The following ERBB4 variants were observed in gnomAD, a reference collection of about 807,000 sequenced individuals.
ERBB4 encodes the protein receptor tyrosine-protein kinase erbB-4.
Under a neutral mutation model 158.0 loss-of-function variants are expected in ERBB4, and 42 were observed. The ratio of observed to expected loss-of-function variants is 0.27; its 90% CI spans 0.21 to 0.34. The LOEUF (loss-of-function observed/expected upper bound fraction) is 0.34, where lower values mean the gene tolerates loss of function less well. Among genes scored for constraint, ERBB4 ranks in the 10% least tolerant of loss-of-function variants. The pLI is 1.00. For missense variants in ERBB4, 1,333 were observed against 1,624.1 expected (o/e 0.82, Z 3.08); for synonymous variants, 583 against 558.7 (o/e 1.04, Z -0.61).
At chr2:211,412,950 CAA>C (rs113603752) in intron 25 of ERBB4, among the ~76,000 whole-genome samples, 8 of 121,078 alleles carry the variant, frequency 6.6e-5, no homozygotes, top group Admixed American at 8.5e-5. Flanking sequence ...GGGACTGTCT[CAA>C]AAAAAAAAAA....
chr2:211,772,905 A>T (rs2075744461), intron 4 of ERBB4, among the ~76,000 whole-genome samples: 1 of 51,384 alleles, frequency 1.9e-5, no homozygotes, highest in African/African-American at 6.8e-5. Context: ...ACACATATAT[A>T]TATACACACA....
chr2:212,177,971 T>C (rs2081729811), intron 1 of ERBB4, among the ~76,000 whole-genome samples: 1 of 151,628 alleles, frequency 6.6e-6, no homozygotes, highest in Admixed American at 6.6e-5. Flanking sequence ...TGTGTGTGTG[T>C]GTGTGTGTGT....
Position 211,424,145 on chromosome 2 carries a change from G to A in ERBB4, c.2866+10C>T, listed in dbSNP as rs1224891346. On this transcript the variant is annotated intron_variant, in intron 23 of 27. Coordinates refer to ENST00000342788, the MANE Select transcript of ERBB4 (RefSeq NM_005235.3). ...ATGATGATGGTGATAACATTATTTTGCAGTCTTACATTTGACCATGACCAT... is the reference window on the plus strand; with the variant it reads ...ATGATGATGGTGATAACATTATTTTACAGTCTTACATTTGACCATGACCAT... The A allele has an allele frequency of 6.2e-7, 1 of 1,610,254 alleles. No individual in the cohort carries two copies. The highest frequency in any genetic ancestry group is 1.1e-5 in the South Asian group (1 of 91,024).
At chr2:212,150,266 G>A (rs1162752177) in intron 1 of ERBB4, among the ~76,000 whole-genome samples, 1 of 151,986 alleles carries the variant, frequency 6.6e-6, no homozygotes, top group Non-Finnish European at 1.5e-5. Flanking sequence ...GCATTCCTTG[G>A]CTTTTGGCAA....
intron 2 of ERBB4, among the ~76,000 whole-genome samples, chr2:212,017,975 AAAG>A (rs2076565545): frequency 1.3e-5 from 2 of 152,178 alleles, no homozygotes; most frequent in Admixed American, 1.3e-4. Context: ...ATGATTCATC[AAAG>A]AGGACAACCA....
At position 212,159,711 on chromosome 2, in the gene ERBB4, G is replaced by A. The variant is rs112098332; in HGVS notation, c.83-34808C>T. Among the ~76,000 whole-genome samples the A allele has an allele frequency of 6.6e-3, 1,002 of 151,858 alleles. 7 individuals are homozygous for A. The highest frequency in any genetic ancestry group is 0.024 in the Middle Eastern group (7 of 294). On this transcript the variant is annotated intron_variant, in intron 1 of 27. Coordinates refer to ENST00000342788, the MANE Select transcript of ERBB4 (RefSeq NM_005235.3). ...GACCACACTGCTTGAAGAAAGCAAG[G>A]CAACCAGTTTAAATTAGTAGATGAA...
At chr2:211,918,325 C>CT (rs1222358751) in intron 3 of ERBB4, among the ~76,000 whole-genome samples, 6 of 151,956 alleles carry the variant, frequency 3.9e-5, no homozygotes, top group East Asian at 1.9e-4. Context: ...ATATTTAAAA[C>CT]TTTTTTTTAT....
chr2:212,013,406 G>A lies in ERBB4; in HGVS notation c.235-65790C>T, dbSNP rs116813213. ...GATAAGGTAGAAGAATTTATCATAAGACACTGTTTTAAGGCCTGGGTAAAT... is the reference window on the plus strand; with the variant it reads ...GATAAGGTAGAAGAATTTATCATAAAACACTGTTTTAAGGCCTGGGTAAAT... On this transcript the variant is annotated intron_variant, in intron 2 of 27. Coordinates refer to ENST00000342788, the MANE Select transcript of ERBB4 (RefSeq NM_005235.3). Among the ~76,000 whole-genome samples the A allele has an allele frequency of 8.8e-3, 1,344 of 152,266 alleles. 16 individuals are homozygous for A. Among genetic ancestry groups the A allele is most frequent in the African/African-American group, 0.031 (1,283 of 41,550 alleles).
chr2:211,511,942 G>C (rs1244890052), intron 20 of ERBB4, among the ~76,000 whole-genome samples: 1 of 152,070 alleles, frequency 6.6e-6, no homozygotes, highest in Non-Finnish European at 1.5e-5. Context: ...AAATTCCCAT[G>C]CTTCTGAAAA....
At chr2:211,502,169 G>T (rs1319437592) in intron 20 of ERBB4, among the ~76,000 whole-genome samples, 1 of 152,044 alleles carries the variant, frequency 6.6e-6, no homozygotes, top group Admixed American at 6.6e-5. Flanking sequence ...AAGGCCTTTG[G>T]CACTTCAAAT....
chr2:211,918,857 T>A (rs1049977072), intron 3 of ERBB4, among the ~76,000 whole-genome samples: 1 of 152,138 alleles, frequency 6.6e-6, no homozygotes, highest in Non-Finnish European at 1.5e-5. Context: ...AAAGCTTCCA[T>A]CTCATTCTTA....
intron 20 of ERBB4, among the ~76,000 whole-genome samples, chr2:211,510,357 C>T (rs2065856528): frequency 6.6e-6 from 1 of 152,060 alleles, no homozygotes; most frequent in Non-Finnish European, 1.5e-5. Flanking sequence ...AAATTACTTA[C>T]TGGGTACAAA....
intron 12 of ERBB4, among the ~76,000 whole-genome samples, chr2:211,691,871 G>A (rs559403658): frequency 1.1e-4 from 17 of 152,186 alleles, no homozygotes; most frequent in African/African-American, 4.1e-4. Flanking sequence ...GTGAGATGGA[G>A]AAGGGACAGA....
chr2:211,788,229 T>C, intron 3 of ERBB4, 70 bp from the exon 4 acceptor site: 1 of 1,140,744 alleles, frequency 8.8e-7, no homozygotes, highest in Non-Finnish European at 1.3e-6. Context: ...TCAACAAAAG[T>C]GATTTGCTCT....
At chr2:211,710,928 CATG>C (rs1488679884) in intron 9 of ERBB4, among the ~76,000 whole-genome samples, 1 of 151,746 alleles carries the variant, frequency 6.6e-6, no homozygotes, top group Non-Finnish European at 1.5e-5. Flanking sequence ...TTATTAACAG[CATG>C]ATAACTGACT....
At chr2:211,808,309 T>G (rs2076667247) in intron 3 of ERBB4, among the ~76,000 whole-genome samples, 1 of 152,202 alleles carries the variant, frequency 6.6e-6, no homozygotes, top group African/African-American at 2.4e-5. Flanking sequence ...TTGAATAAAG[T>G]GTAAGGAAGG....
chr2:212,015,679 A>T lies in ERBB4; in HGVS notation c.235-68063T>A, dbSNP rs575084821. On this transcript the variant is annotated intron_variant, in intron 2 of 27. Coordinates refer to ENST00000342788, the MANE Select transcript of ERBB4 (RefSeq NM_005235.3). Reference sequence around the variant, plus strand: ...TCCCAAGTAATTTGGAGCTCCCTGAATATCACTCAATGCATCAACTCACTT... The same window carrying T: ...TCCCAAGTAATTTGGAGCTCCCTGATTATCACTCAATGCATCAACTCACTT... Among the ~76,000 whole-genome samples the T allele has an allele frequency of 2.0e-5, 3 of 152,248 alleles. No individual in the cohort carries two copies. In the East Asian group the frequency reaches 5.8e-4, roughly 29 times the overall value.
intron 3 of ERBB4, among the ~76,000 whole-genome samples, chr2:211,857,944 G>C (rs1242582326): frequency 6.6e-6 from 1 of 152,212 alleles, no homozygotes; most frequent in Non-Finnish European, 1.5e-5. Flanking sequence ...GAGGAAAATG[G>C]TGAGTACCTC....
At chr2:211,719,783 A>G (rs2074036688) in intron 7 of ERBB4, among the ~76,000 whole-genome samples, 1 of 149,544 alleles carries the variant, frequency 6.7e-6, no homozygotes. Flanking sequence ...TGAACCCGGG[A>G]TGCAGAGGTT....
Sources: allele counts gnomAD v4.1 joint callset (sites outside exome capture counted in the v4.1 genomes callset), GRCh38; gene constraint gnomAD v4.1.1; transcripts MANE v1.5; gene names NCBI Gene and HGNC (gene_info 2026-07-23, HGNC 2026-07-21).